Variants in P3H1 observed in about 807,000 individuals in gnomAD.
P3H1 encodes prolyl 3-hydroxylase 1.
A neutral mutation model predicts 84.0 loss-of-function variants in P3H1; 69 were observed. The ratio of observed to expected loss-of-function variants is 0.82; its 90% confidence interval spans 0.68 to 1.00. P3H1 has a LOEUF of 1.00. P3H1 is among the 50% of genes least tolerant of loss of function. The pLI, the probability that P3H1 is intolerant of heterozygous loss-of-function variation, is 0.00. For missense variants in P3H1, 878 were observed against 962.8 expected (o/e 0.91, Z 1.17); for synonymous variants, 366 against 388.8 (o/e 0.94, Z 0.69).
At position 42,752,610 on chromosome 1, in the gene P3H1, T is replaced by G; in HGVS notation, c.1400A>C (p.Asn467Thr). 1.9e-6 allele frequency: 3 copies of G among 1,614,136 alleles called. No homozygotes were observed. The highest frequency in any genetic ancestry group is 2.5e-6 in the Non-Finnish European group (3 of 1,180,030). Reference sequence around the variant, plus strand: ...GTCCATCACCACCCGCTGGGAACCATTCAGGAGTTTGGAGTTCATGGTGAG... The same window carrying G: ...GTCCATCACCACCCGCTGGGAACCAGTCAGGAGTTTGGAGTTCATGGTGAG... ...ISLTMNSKLL[N>T]GSQRVVMDGV... The change falls in exon 9 of 15, where the codon AAT (asparagine) becomes ACT (threonine). Residue 467 changes from asparagine (N) to threonine (T), a missense_variant. Physicochemically the swap from Asn to Thr is moderately conservative, Grantham distance 65. Transcript: ENST00000296388.
intron 1 of P3H1, 142 bp downstream of exon 1, chr1:42,766,365 G>A (rs898620646): frequency 4.1e-6 from 3 of 738,086 alleles, no homozygotes; most frequent in Non-Finnish European, 7.0e-6. Flanking sequence ...AGCTCTCCCC[G>A]GCTCCGAGGA....
At chr1:42,748,361 G>C (rs1410523845) in intron 11 of P3H1, 44 bp from the exon 12 acceptor site, 2 of 1,411,228 alleles carry the variant, frequency 1.4e-6, no homozygotes, top group Non-Finnish European at 2.0e-6. Context: ...CACCTCGGGA[G>C]ACGGCATAGC....
At position 42,747,418 on chromosome 1, in the gene P3H1, G is replaced by C; in HGVS notation, c.1915-6C>G. On this transcript the variant is annotated splice_region_variant and splice_polypyrimidine_tract_variant and intron_variant, in intron 13 of 14. Coordinates refer to ENST00000296388, the MANE Select transcript of P3H1 (RefSeq NM_022356.4). Reference sequence around the variant, plus strand: ...CACTGAGGCTGCACCTCTGCCTAAGGGGGACAGAAAGGGAGGGGGGTTGCA... The same window carrying C: ...CACTGAGGCTGCACCTCTGCCTAAGCGGGACAGAAAGGGAGGGGGGTTGCA... 6.2e-7 allele frequency: 1 copy of C among 1,609,878 alleles called. No individual in the cohort carries two copies. Among genetic ancestry groups the C allele is most frequent in the Non-Finnish European group, 8.5e-7 (1 of 1,178,166 alleles).
Position 42,752,610 on chromosome 1 carries a change from T to A in P3H1, c.1400A>T (p.Asn467Ile). Residue 467 changes from asparagine (N) to isoleucine (I), a missense_variant, in exon 9 of 15, where the codon AAT becomes ATT. Transcript: ENST00000296388. ...GTCCATCACCACCCGCTGGGAACCA[T>A]TCAGGAGTTTGGAGTTCATGGTGAG... is the stretch of plus-strand genomic sequence containing the variant. ...ISLTMNSKLLNGSQRVVMDGV... is the reference protein window; with the variant it reads ...ISLTMNSKLLIGSQRVVMDGV... 6.2e-7 allele frequency: 1 copy of A among 1,614,136 alleles called. No individual in the cohort carries two copies. Among genetic ancestry groups the A allele is most frequent in the Non-Finnish European group, 8.5e-7 (1 of 1,180,030 alleles).
rs1212268514 is a variant in P3H1 at position 42,754,056 on chromosome 1, A to T, written c.1345+813T>A. On this transcript the variant is annotated intron_variant, in intron 8 of 14. Coordinates refer to ENST00000296388, the MANE Select transcript of P3H1 (RefSeq NM_022356.4). This position sits in a 1 kb window ranked among gnomAD's most constrained non-coding sequence, Gnocchi z 4.0. ...GGGCAGTGGGCGGGCTCACGGAACA[A>T]AGTGCAGTCCTGTGTGAAGAGACGG... Among the ~76,000 whole-genome samples the T allele has an allele frequency of 1.3e-5, 2 of 152,204 alleles. No individual in the cohort carries two copies. Among genetic ancestry groups the T allele is most frequent in the East Asian group, 3.8e-4 (2 of 5,198 alleles).
chr1:42,765,015 T>C (rs1265124804), intron 1 of P3H1, among the ~76,000 whole-genome samples: 1 of 152,204 alleles, frequency 6.6e-6, no homozygotes, highest in Non-Finnish European at 1.5e-5. Context: ...GTGCCACCAC[T>C]TTCTCCTTCT....
chr1:42,752,284 T>C lies in P3H1; in HGVS notation c.1559A>G (p.Lys520Arg), dbSNP rs752109889. The C allele has an allele frequency of 2.0e-5, 32 of 1,613,656 alleles. No individual in the cohort carries two copies. The highest frequency in any genetic ancestry group is 2.5e-5 in the Non-Finnish European group (29 of 1,179,624). The change falls in exon 10 of 15, where the codon AAA becomes AGA. Residue 520 changes from lysine to arginine, a missense_variant. Coordinates refer to ENST00000296388, the MANE Select transcript of P3H1 (RefSeq NM_022356.4). ...NEKFYGVTVFKALKLGQEGKV... is the reference protein window; with the variant it reads ...NEKFYGVTVFRALKLGQEGKV... ...CAGTGTTGATCTTACCTTGAGGGCT[T>C]TGAAGACAGTGACACCATAGAACTT...
chr1:42,766,007 T>TACC (rs1652967718), intron 1 of P3H1, among the ~76,000 whole-genome samples: 1 of 117,656 alleles, frequency 8.5e-6, no homozygotes, highest in Admixed American at 8.3e-5. Flanking sequence ...AGCCAGAGGG[T>TACC]CCCCCCCCCG....
intron 12 of P3H1, 89 bp from the exon 13 acceptor site, chr1:42,747,887 G>T: frequency 7.8e-7 from 1 of 1,285,554 alleles, no homozygotes; most frequent in Non-Finnish European, 1.1e-6. Flanking sequence ...ACCAGCAGCA[G>T]GAGGGTGGCT....
intron 1 of P3H1, among the ~76,000 whole-genome samples, chr1:42,764,510 G>A (rs2124166019): frequency 6.6e-6 from 1 of 151,618 alleles, no homozygotes; most frequent in Non-Finnish European, 1.5e-5. Flanking sequence ...TGGCTGGGCA[G>A]TAGACAAGAT....
At chr1:42,753,977 G>A (rs1652248163) in intron 8 of P3H1, among the ~76,000 whole-genome samples, 1 of 152,150 alleles carries the variant, frequency 6.6e-6, no homozygotes, top group Non-Finnish European at 1.5e-5. Context: ...ATGCCCTCAT[G>A]GGCAGGGATG....
rs768806151 is a variant in P3H1 at position 42,762,390 on chromosome 1, T to G, written c.551A>C (p.Asp184Ala). ...PEHMEMQQNL[D>A]YYQTMSGVKE... is the part of the protein sequence containing the mutation. ...CACTCCAGACATGGTTTGGTAATAG[T>G]CTAGGTTCTGCTGCATTTCCATGTG... The change falls in exon 2 of 15, where the codon GAC (aspartate) becomes GCC (alanine). Residue 184 changes from aspartate to alanine, a missense_variant. Transcript: ENST00000296388. 4 of 1,614,192 alleles carry G rather than the reference T, an allele frequency of 2.5e-6. No individual in the cohort carries two copies. The East Asian group carries it at 8.9e-5, about 36-fold the overall frequency.
intron 9 of P3H1, 27 bp from the exon 10 acceptor site, chr1:42,752,396 G>A (rs1557565618): frequency 3.5e-5 from 56 of 1,612,208 alleles, no homozygotes; most frequent in Non-Finnish European, 4.7e-5. Context: ...ACAAGGTGAT[G>A]TTAGCCAGGG....
Position 42,747,744 on chromosome 1 carries a change from T to C in P3H1, c.1893A>G (p.Glu631=). The change falls in exon 13 of 15, where the codon GAA becomes GAG. Residue 631 remains glutamate, a synonymous_variant. Coordinates refer to ENST00000296388, the MANE Select transcript of P3H1 (RefSeq NM_022356.4). The stretch of plus-strand genomic sequence containing the variant: ...TCACCGTCACGGTCTTGGCATCCAG[T>C]TCAGTGAAATAAAAGTTTCCGCCAT... The part of the protein sequence containing the change: ...DFDGGNFYFT[E]LDAKTVTAEV... 6.2e-7 allele frequency: 1 copy of C among 1,614,016 alleles called. No individual in the cohort carries two copies. The highest frequency in any genetic ancestry group is 1.3e-5 in the African/African-American group (1 of 74,884).
chr1:42,762,181 G>A (rs1652753739), intron 2 of P3H1, 142 bp downstream of exon 2: 12 of 804,834 alleles, frequency 1.5e-5, no homozygotes, highest in Non-Finnish European at 2.1e-5. Flanking sequence ...CGAGACTAGA[G>A]GGTCTCTTGA....
At chr1:42,766,413 G>A (rs1653000230) in intron 1 of P3H1, 94 bp downstream of exon 1, 2 of 1,162,878 alleles carry the variant, frequency 1.7e-6, no homozygotes, top group Non-Finnish European at 1.3e-6. Context: ...CCCTCCCTGC[G>A]GACACTTCCC....
chr1:42,749,012 C>T (rs1006518), intron 11 of P3H1, among the ~76,000 whole-genome samples: 79,712 of 152,154 alleles, frequency 0.52, 22,095 homozygotes, highest in South Asian at 0.69. Flanking sequence ...ACTTCTCCCT[C>T]CTCCCACTGC....
chr1:42,762,267 T>C, intron 2 of P3H1, 56 bp downstream of exon 2: 1 of 1,572,536 alleles, frequency 6.4e-7, no homozygotes, highest in Non-Finnish European at 8.7e-7. Flanking sequence ...CAAGACTCTG[T>C]CTCTAAAATA....
intron 1 of P3H1, among the ~76,000 whole-genome samples, chr1:42,764,352 C>T (rs1235857969): frequency 1.3e-5 from 2 of 150,326 alleles, no homozygotes; most frequent in East Asian, 1.9e-4. Flanking sequence ...AACCAGAAAA[C>T]CAGAAGTCAG....
Sources: gnomAD v4.1 joint callset for allele counts (sites outside exome capture counted in the v4.1 genomes callset) on GRCh38, gnomAD v4.1.1 for gene constraint, Gnocchi (gnomAD v3.1) non-coding constraint, MANE v1.5 for transcripts, NCBI Gene and HGNC (gene_info 2026-07-23, HGNC 2026-07-21) for gene names.